Variants in FGFRL1 observed in about 807,000 individuals in gnomAD.
FGFRL1 encodes the protein fibroblast growth factor receptor-like 1.
Under a neutral mutation model 36.8 loss-of-function variants are expected in FGFRL1, and 24 were observed. The ratio of observed to expected loss-of-function variants is 0.65; its 90% CI spans 0.47 to 0.92. FGFRL1 has a LOEUF of 0.92. FGFRL1 is among the 40% of genes least tolerant of loss of function. FGFRL1 has a pLI of 0.00. For synonymous variants in FGFRL1, 422 were observed against 344.1 expected (o/e 1.23, Z -2.50); for missense variants, 785 against 753.4 (o/e 1.04, Z -0.49).
Position 1,024,070 on chromosome 4 carries a change from C to T in FGFRL1, c.687C>T (p.Ala229=). ...YTCRVSNRAG[A]INATYKVDVI... The stretch of plus-strand genomic sequence containing the variant: ...GCCGCGTGTCGAACCGCGCGGGCGC[C>T]ATCAACGCCACCTACAAGGTGGATG... The change falls in exon 5 of 7, where the codon GCC becomes GCT. Residue 229 remains alanine (A), a synonymous_variant. Transcript: ENST00000510644. The T allele has an allele frequency of 6.3e-7, 1 of 1,599,010 alleles. No individual in the cohort carries two copies. Among genetic ancestry groups the T allele is most frequent in the Non-Finnish European group, 8.5e-7 (1 of 1,175,274 alleles).
intron 2 of FGFRL1, among the ~76,000 whole-genome samples, chr4:1,019,077 G>T (rs1008498332): frequency 6.6e-6 from 1 of 152,220 alleles, no homozygotes; most frequent in African/African-American, 2.4e-5. Flanking sequence ...CACAGGCGGG[G>T]GTCCCGCCTC....
chr4:1,010,404 C>G (rs113395464), upstream of FGFRL1, among the ~76,000 whole-genome samples: 2,260 of 152,350 alleles, frequency 0.015, 50 homozygotes, highest in African/African-American at 0.049. Flanking sequence ...GGAACCAGCA[C>G]CTTGGGACGG....
intron 1 of FGFRL1, 59 bp downstream of exon 1, chr4:1,012,013 T>TCCGGGGCGGGGGC (rs1335926985): frequency 7.1e-6 from 1 of 141,498 alleles, no homozygotes. Context: ...AGGGCGGGGG[T>TCCGGGGCGGGGGC]CCGGGGCGGG....
chr4:1,016,536 G>C (rs551657471), intron 2 of FGFRL1, among the ~76,000 whole-genome samples: 1 of 152,262 alleles, frequency 6.6e-6, no homozygotes, highest in African/African-American at 2.4e-5. Context: ...CCCTGGGGCT[G>C]GGGTTGCAGA....
At chr4:1,018,153 G>A (rs181174762) in intron 2 of FGFRL1, among the ~76,000 whole-genome samples, 42 of 152,252 alleles carry the variant, frequency 2.8e-4, no homozygotes, top group African/African-American at 9.4e-4. Flanking sequence ...TCCTGCCTCC[G>A]TCCCTCCAGA....
At chr4:1,017,998 A>G (rs1342776096) in intron 2 of FGFRL1, among the ~76,000 whole-genome samples, 1 of 152,216 alleles carries the variant, frequency 6.6e-6, no homozygotes, top group African/African-American at 2.4e-5. Flanking sequence ...CCACGTGGCC[A>G]GGACGGGCCC....
At chr4:1,024,184 C>A in intron 5 of FGFRL1, 83 bp downstream of exon 5, 2 of 303,998 alleles carry the variant, frequency 6.6e-6, no homozygotes, top group South Asian at 7.2e-5. Context: ...TGGGCGGGGG[C>A]GCTGGTGGGC....
At chr4:1,013,278 G>C (rs141172990) in intron 2 of FGFRL1, among the ~76,000 whole-genome samples, 1 of 152,382 alleles carries the variant, frequency 6.6e-6, no homozygotes, top group Non-Finnish European at 1.5e-5. Flanking sequence ...TGTGCCCGCA[G>C]ACTCATGCCC....
chr4:1,025,316 A>G lies in FGFRL1; in HGVS notation c.1484A>G (p.Lys495Arg). ...CACACACACTCACACGTGGAGGGCA[A>G]GGTCCACCAGCACATCCACTATCAG... ...HSHTHSHVEG[K>R]VHQHIHYQC The change falls in exon 7 of 7, where the codon AAG (lysine) becomes AGG (arginine). Residue 495 changes from lysine to arginine, a missense_variant. Coordinates refer to ENST00000510644, the MANE Select transcript of FGFRL1 (RefSeq NM_001004356.3). 6.4e-7 allele frequency: 1 copy of G among 1,560,266 alleles called. No homozygotes were observed.
At chr4:1,021,401 T>C (rs1483371370) in intron 2 of FGFRL1, among the ~76,000 whole-genome samples, 2 of 152,038 alleles carry the variant, frequency 1.3e-5, no homozygotes, top group East Asian at 3.9e-4. Context: ...GGAGCGGCAG[T>C]GCCCGTGGTC....
At position 1,022,225 on chromosome 4, in the gene FGFRL1, G is replaced by A; in HGVS notation, c.102G>A (p.Lys34=). Residue 34 remains lysine (K), a synonymous_variant, in exon 3 of 7, where the codon AAG becomes AAA. Transcript: ENST00000510644. Reference sequence around the variant, plus strand: ...CAGGCCCCCCAAAGATGGCGGACAAGGTGGTCCCACGGCAGGTGGCCCGGC... The same window carrying A: ...CAGGCCCCCCAAAGATGGCGGACAAAGTGGTCCCACGGCAGGTGGCCCGGC... ...AARGPPKMAD[K]VVPRQVARLG... is the part of the protein sequence containing the mutation. The A allele has an allele frequency of 6.5e-7, 1 of 1,547,460 alleles. No individual in the cohort carries two copies. Among genetic ancestry groups the A allele is most frequent in the East Asian group, 2.3e-5 (1 of 42,872 alleles).
intron 1 of FGFRL1, chr4:1,012,244 G>C: frequency 4.1e-6 from 2 of 482,556 alleles, no homozygotes; most frequent in Non-Finnish European, 7.3e-6. Flanking sequence ...GAATCCAGAC[G>C]GTGTTTGGAG....
chr4:1,019,232 C>T (rs1425788251), intron 2 of FGFRL1, among the ~76,000 whole-genome samples: 1 of 152,226 alleles, frequency 6.6e-6, no homozygotes, highest in Non-Finnish European at 1.5e-5. Flanking sequence ...CTGAGGTGGG[C>T]TCCCTCCCCA....
chr4:1,016,260 G>C (rs1291460606), intron 2 of FGFRL1, among the ~76,000 whole-genome samples: 2 of 152,118 alleles, frequency 1.3e-5, no homozygotes, highest in East Asian at 3.9e-4. Context: ...AAGTGGGGAA[G>C]GGCTGCCAAG....
In FGFRL1 at chr4:1,022,484, C is replaced by G. The variant is rs1421382661; in HGVS notation, c.352+9C>G. The G allele has an allele frequency of 1.9e-6, 3 of 1,584,834 alleles. No individual in the cohort carries two copies. The Admixed American group carries it at 5.1e-5, about 27-fold the overall frequency. On this transcript the variant is annotated intron_variant, in intron 3 of 6. Transcript: ENST00000510644. The stretch of plus-strand genomic sequence containing the variant: ...CACCCTCGTCGTGCTGGGTTAGTCG[C>G]TGCTGCGGTCAGAGGTCATGGGCTG...
intron 5 of FGFRL1, 31 bp downstream of exon 5, chr4:1,024,132 G>A (rs1406819646): frequency 7.7e-6 from 11 of 1,431,750 alleles, no homozygotes; most frequent in Non-Finnish European, 1.0e-5. Flanking sequence ...TGGCGGGCGG[G>A]GGGTGCTGGT....
chr4:1,017,159 G>T (rs1254484187), intron 2 of FGFRL1, among the ~76,000 whole-genome samples: 2 of 152,198 alleles, frequency 1.3e-5, no homozygotes, highest in African/African-American at 4.8e-5. Context: ...GAGGACTTGG[G>T]GCCTGGCCAC....
intron 2 of FGFRL1, among the ~76,000 whole-genome samples, chr4:1,017,199 G>T (rs1317030372): frequency 6.6e-6 from 1 of 152,166 alleles, no homozygotes; most frequent in Admixed American, 6.5e-5. Context: ...CCTGGGTCAG[G>T]CCAGAGAATT....
intron 6 of FGFRL1, 104 bp downstream of exon 6, chr4:1,024,768 C>G (rs1047773657): frequency 2.1e-6 from 3 of 1,407,278 alleles, no homozygotes; most frequent in Non-Finnish European, 2.8e-6. Flanking sequence ...CCTCCCGGGC[C>G]GTGCTGGCCA....
Sources: allele counts gnomAD v4.1 joint callset (sites outside exome capture counted in the v4.1 genomes callset), GRCh38; gene constraint gnomAD v4.1.1; transcripts MANE v1.5; gene names NCBI Gene and HGNC (gene_info 2026-07-23, HGNC 2026-07-21).